CARMIL1: variants seen among roughly 807,000 people sequenced by gnomAD.
The protein encoded by CARMIL1 is capping protein regulator and myosin 1 linker 1.
A neutral mutation model predicts 177.1 loss-of-function variants in CARMIL1; 90 were observed. The observed-to-expected ratio is 0.51, with a 90% confidence interval of 0.43 to 0.61. The LOEUF (loss-of-function observed/expected upper bound fraction) is 0.61, where lower values mean the gene tolerates loss of function less well. CARMIL1 is among the 20% of genes least tolerant of loss of function. The pLI, the probability that CARMIL1 is intolerant of heterozygous loss-of-function variation, is 0.00. For synonymous variants in CARMIL1, 577 were observed against 606.2 expected (o/e 0.95, Z 0.71); for missense variants, 1,380 against 1,667.0 (o/e 0.83, Z 3.00).
intron 2 of CARMIL1, among the ~76,000 whole-genome samples, chr6:25,296,330 C>T (rs1782364080): frequency 6.6e-6 from 1 of 152,188 alleles, no homozygotes; most frequent in African/African-American, 2.4e-5. Context: ...CCTTGTGGAG[C>T]CCTGTCCTCC....
At chr6:25,424,970 T>G (rs1796161861) in intron 3 of CARMIL1, among the ~76,000 whole-genome samples, 1 of 152,202 alleles carries the variant, frequency 6.6e-6, no homozygotes. Context: ...TGAATGAATA[T>G]TTATTCATAA....
At chr6:25,607,649 T>G (rs574250742) in intron 35 of CARMIL1, among the ~76,000 whole-genome samples, 1 of 152,234 alleles carries the variant, frequency 6.6e-6, no homozygotes, top group Non-Finnish European at 1.5e-5. Context: ...AATTTATCAA[T>G]GTGCAGATGG....
At position 25,370,574 on chromosome 6, in the gene CARMIL1, C is replaced by T. The variant is rs758311995; in HGVS notation, c.139-49540C>T. ...GGACAGGAATATTTTGTCTTTTGTA[C>T]TGCCCCGACGGAGTCATACAGCCCC... On this transcript the variant is annotated intron_variant, in intron 2 of 36. Transcript: ENST00000329474. Among the ~76,000 whole-genome samples, 17 of 152,262 alleles carry T rather than the reference C, an allele frequency of 1.1e-4. 1 individual carries two copies. Among genetic ancestry groups the T allele is most frequent in the Admixed American group, 3.3e-4 (5 of 15,288 alleles).
At chr6:25,485,481 T>A (rs988180308) in intron 12 of CARMIL1, among the ~76,000 whole-genome samples, 2 of 152,254 alleles carry the variant, frequency 1.3e-5, no homozygotes, top group African/African-American at 4.8e-5. Context: ...AGTTGCACGA[T>A]CTTGGCTCAC....
At chr6:25,498,814 C>T (rs1445643724) in intron 16 of CARMIL1, among the ~76,000 whole-genome samples, 11 of 152,224 alleles carry the variant, frequency 7.2e-5, no homozygotes, top group Middle Eastern at 3.4e-3. Flanking sequence ...CTCAATACTG[C>T]GCCCATGAAA....
At chr6:25,285,952 G>A (rs1415394688) in intron 2 of CARMIL1, among the ~76,000 whole-genome samples, 1 of 152,120 alleles carries the variant, frequency 6.6e-6, no homozygotes, top group Non-Finnish European at 1.5e-5. Flanking sequence ...GCTCATTGTA[G>A]CCTCAACCTC....
At chr6:25,582,097 C>T (rs1813169531) in intron 31 of CARMIL1, among the ~76,000 whole-genome samples, 1 of 152,218 alleles carries the variant, frequency 6.6e-6, no homozygotes, top group Non-Finnish European at 1.5e-5. Context: ...TACTGTCTCT[C>T]TTCTTCACCT....
intron 31 of CARMIL1, among the ~76,000 whole-genome samples, chr6:25,592,622 AAC>A (rs1208930328): frequency 6.6e-6 from 1 of 152,226 alleles, no homozygotes; most frequent in Non-Finnish European, 1.5e-5. Context: ...CATGAACTCA[AAC>A]ACATAGTTCA....
At chr6:25,566,761 T>A (rs1277587077) in intron 29 of CARMIL1, among the ~76,000 whole-genome samples, 1 of 152,220 alleles carries the variant, frequency 6.6e-6, no homozygotes, top group African/African-American at 2.4e-5. Flanking sequence ...CTTGCATGGG[T>A]TTTCTTTGTA....
At chr6:25,468,002 A>G (rs931607973) in intron 9 of CARMIL1, among the ~76,000 whole-genome samples, 1 of 152,176 alleles carries the variant, frequency 6.6e-6, no homozygotes, top group African/African-American at 2.4e-5. Flanking sequence ...GAAGAAGCAC[A>G]TCTTTGGATT....
At chr6:25,379,776 G>C (rs1397907355) in intron 2 of CARMIL1, among the ~76,000 whole-genome samples, 1 of 152,088 alleles carries the variant, frequency 6.6e-6, no homozygotes, top group East Asian at 1.9e-4. Context: ...TTTTAGCCTG[G>C]TTAAGTAAAC....
At chr6:25,432,666 GTTAA>G (rs2150751902) in intron 4 of CARMIL1, among the ~76,000 whole-genome samples, 1 of 152,172 alleles carries the variant, frequency 6.6e-6, no homozygotes, top group Non-Finnish European at 1.5e-5. Context: ...GAATTATAGG[GTTAA>G]TTGTTTGCTA....
intron 36 of CARMIL1, among the ~76,000 whole-genome samples, chr6:25,613,561 A>G (rs547572438): frequency 2.0e-4 from 31 of 152,350 alleles, no homozygotes; most frequent in African/African-American, 7.2e-4. Flanking sequence ...CAAAAAGAAG[A>G]CAGATTTCAA....
intron 2 of CARMIL1, among the ~76,000 whole-genome samples, chr6:25,416,558 T>G (rs1244755767): frequency 6.6e-6 from 1 of 152,240 alleles, no homozygotes; most frequent in Non-Finnish European, 1.5e-5. Flanking sequence ...TTACTATGTT[T>G]GTGAAAGGAT....
At chr6:25,487,960 G>C (rs1802825990) in intron 12 of CARMIL1, among the ~76,000 whole-genome samples, 1 of 152,148 alleles carries the variant, frequency 6.6e-6, no homozygotes, top group Non-Finnish European at 1.5e-5. Flanking sequence ...ATGGTATACA[G>C]ATCATCTCCT....
intron 2 of CARMIL1, among the ~76,000 whole-genome samples, chr6:25,371,387 G>A (rs1790414765): frequency 6.6e-6 from 1 of 152,162 alleles, no homozygotes; most frequent in Non-Finnish European, 1.5e-5. Flanking sequence ...GTATAAGTAA[G>A]TGTTCTCTTT....
At chr6:25,444,871 T>C (rs931733676) in intron 5 of CARMIL1, among the ~76,000 whole-genome samples, 4 of 152,250 alleles carry the variant, frequency 2.6e-5, no homozygotes, top group Non-Finnish European at 4.4e-5. Flanking sequence ...GGATTTATAA[T>C]CCTTTGGGTA....
intron 2 of CARMIL1, among the ~76,000 whole-genome samples, chr6:25,390,275 G>T (rs115098760): frequency 0.13 from 17,198 of 133,818 alleles, 1,385 homozygotes; most frequent in East Asian, 0.32. Flanking sequence ...GACATATATA[G>T]GTACACATAT....
chr6:25,491,944 T>C lies in CARMIL1; in HGVS notation c.1144-4T>C, dbSNP rs1803280316. 6.2e-7 allele frequency: 1 copy of C among 1,612,980 alleles called. No homozygotes were observed. The highest frequency in any genetic ancestry group is 1.7e-5 in the Admixed American group (1 of 59,908). On this transcript the variant is annotated splice_polypyrimidine_tract_variant and splice_region_variant and intron_variant, in intron 14 of 36. Transcript: ENST00000329474. ...AAAAGAAGAGTGCCTTATTTCTTTT[T>C]CAGGTCTGTGGAGCTCTTCTCCGTG... is the stretch of plus-strand genomic sequence containing the variant.
Sources: allele counts gnomAD v4.1 joint callset (sites outside exome capture counted in the v4.1 genomes callset), GRCh38; gene constraint gnomAD v4.1.1; transcripts MANE v1.5; gene names NCBI Gene and HGNC (gene_info 2026-07-23, HGNC 2026-07-21).